Variants in RC3H1 observed in about 807,000 individuals in gnomAD.
The protein encoded by RC3H1 is ring finger and CCCH-type domains 1.
A neutral mutation model predicts 138.2 loss-of-function variants in RC3H1; 50 were observed. The ratio of observed to expected loss-of-function variants is 0.36; its 90% CI spans 0.29 to 0.46. The LOEUF (loss-of-function observed/expected upper bound fraction) is 0.46, where lower values mean the gene tolerates loss of function less well. RC3H1 is among the 20% of genes least tolerant of loss of function. The pLI is 1.00. For synonymous variants in RC3H1, 462 were observed against 489.1 expected (o/e 0.94, Z 0.73); for missense variants, 1,031 against 1,388.1 (o/e 0.74, Z 4.09).
intron 1 of RC3H1, among the ~76,000 whole-genome samples, chr1:174,008,446 AG>A (rs1246968108): frequency 6.6e-6 from 1 of 152,102 alleles, no homozygotes; most frequent in Non-Finnish European, 1.5e-5. Context: ...GAAGCAGAAG[AG>A]GGGAAGGGAG....
intron 6 of RC3H1, 83 bp from the exon 7 acceptor site, chr1:173,978,703 CG>C: frequency 7.2e-7 from 1 of 1,393,328 alleles, no homozygotes; most frequent in Non-Finnish European, 9.6e-7. Context: ...ATCATTTTTG[CG>C]ATTTATTAAA....
At chr1:173,963,503 A>T (rs1456503740) in intron 11 of RC3H1, among the ~76,000 whole-genome samples, 1 of 152,180 alleles carries the variant, frequency 6.6e-6, no homozygotes, top group East Asian at 1.9e-4. Context: ...TCTATTCTGT[A>T]AACTCTCTAA....
intron 17 of RC3H1, among the ~76,000 whole-genome samples, chr1:173,945,448 T>C (rs1329569455): frequency 1.3e-5 from 2 of 152,134 alleles, no homozygotes; most frequent in Non-Finnish European, 2.9e-5. Flanking sequence ...TTCTTTAGTT[T>C]TGTTTTTCTA....
chr1:173,965,276 A>G (rs1424106954), intron 9 of RC3H1, among the ~76,000 whole-genome samples, 156 bp from the exon 10 acceptor site: 1 of 152,212 alleles, frequency 6.6e-6, no homozygotes, highest in Non-Finnish European at 1.5e-5. Flanking sequence ...AGCAAGACAT[A>G]TTAAGTATAA....
At chr1:174,009,115 G>C (rs1164525258) in intron 1 of RC3H1, among the ~76,000 whole-genome samples, 2 of 152,096 alleles carry the variant, frequency 1.3e-5, no homozygotes, top group East Asian at 3.8e-4. Flanking sequence ...TGATCTTTCA[G>C]GGATTAAATT....
At chr1:173,953,240 C>G (rs1015766967) in intron 13 of RC3H1, among the ~76,000 whole-genome samples, 1 of 152,040 alleles carries the variant, frequency 6.6e-6, no homozygotes, top group Admixed American at 6.6e-5. Flanking sequence ...TTAGATAGAA[C>G]AGCCAACTTT....
In RC3H1 at chr1:174,012,028, C is replaced by A. The variant is rs188847208; in HGVS notation, c.-151+10068G>T. Among the ~76,000 whole-genome samples, 569 of 151,980 alleles carry A rather than the reference C, an allele frequency of 3.7e-3. 5 individuals are homozygous for A. The highest frequency in any genetic ancestry group is 0.013 in the African/African-American group (554 of 41,464). The stretch of plus-strand genomic sequence containing the variant: ...AAGTTCGAGACCAGCCTGGGCAACA[C>A]GGCAAGACGCCGTCTCTACAAAAAA... On this transcript the variant is annotated intron_variant, in intron 1 of 19. Coordinates refer to ENST00000367696, the MANE Select transcript of RC3H1 (RefSeq NM_172071.4).
At chr1:173,991,245 A>C (rs1234789258) in intron 2 of RC3H1, among the ~76,000 whole-genome samples, 3 of 152,144 alleles carry the variant, frequency 2.0e-5, no homozygotes, top group Non-Finnish European at 4.4e-5. Context: ...GAAATTATGA[A>C]ACACTGTAAA....
At chr1:173,985,554 T>C (rs1159084998) in intron 2 of RC3H1, among the ~76,000 whole-genome samples, 1 of 152,196 alleles carries the variant, frequency 6.6e-6, no homozygotes, top group Non-Finnish European at 1.5e-5. Flanking sequence ...TAATTGCATA[T>C]ACTTATGGGG....
rs753874089 is a variant in RC3H1 at position 173,978,513 on chromosome 1, C to T, written c.1077G>A (p.Leu359=). 8.1e-6 allele frequency: 13 copies of T among 1,614,020 alleles called. No individual in the cohort carries two copies. The highest frequency in any genetic ancestry group is 6.8e-6 in the Non-Finnish European group (8 of 1,179,958). Reference sequence around the variant, plus strand: ...CTGGACTAGGGTCAATGTTTGCTAACAGCTCCAAATGGGGTCTTAGTCGGT... The same window carrying T: ...CTGGACTAGGGTCAATGTTTGCTAATAGCTCCAAATGGGGTCTTAGTCGGT... ...NLNRLRPHLE[L]LANIDPSPDA... Residue 359 remains leucine (L), a synonymous_variant, in exon 7 of 20, where the codon CTG becomes CTA. Coordinates refer to ENST00000367696, the MANE Select transcript of RC3H1 (RefSeq NM_172071.4).
intron 1 of RC3H1, among the ~76,000 whole-genome samples, chr1:173,999,905 A>G (rs1355981009): frequency 6.6e-6 from 1 of 152,242 alleles, no homozygotes; most frequent in Non-Finnish European, 1.5e-5. Flanking sequence ...AGAAAGTGGC[A>G]CGACTAAGAC....
In RC3H1 at chr1:173,992,913, T is replaced by C. The variant is rs1381006220; in HGVS notation, c.73A>G (p.Ile25Val). ...CAACCCAAACTGATGGGCTTTCGAATTGTTTCGTCGAAAGTCTGAGTGCAA... is the reference window on the plus strand; with the variant it reads ...CAACCCAAACTGATGGGCTTTCGAACTGTTTCGTCGAAAGTCTGAGTGCAA... Reference protein sequence around the residue: ...PICTQTFDETIRKPISLGCGH... With the variant: ...PICTQTFDETVRKPISLGCGH... The change falls in exon 2 of 20, where the codon ATT (isoleucine) becomes GTT (valine). Residue 25 changes from isoleucine to valine, a missense_variant. Ile to Val is a conservative substitution (Grantham distance 29). Transcript: ENST00000367696. 3.7e-6 allele frequency: 6 copies of C among 1,613,974 alleles called. No individual in the cohort carries two copies. The highest frequency in any genetic ancestry group is 2.2e-5 in the East Asian group (1 of 44,882).
chr1:173,998,438 C>T (rs1557950721), intron 1 of RC3H1, among the ~76,000 whole-genome samples: 1 of 152,150 alleles, frequency 6.6e-6, no homozygotes, highest in Non-Finnish European at 1.5e-5. Context: ...ATTGCTAATA[C>T]AGAATATACA....
rs535613223 is a variant in RC3H1 at position 174,011,891 on chromosome 1, T to C, written c.-151+10205A>G. On this transcript the variant is annotated intron_variant, in intron 1 of 19. Transcript: ENST00000367696. ...TTCACCTTTAACAACCAATTCGTAT[T>C]AGCATTGAAAATTAGTTTTTGTCAT... 1.8e-4 allele frequency among the ~76,000 whole-genome samples: 27 copies of C among 152,240 alleles called. 1 individual carries two copies. Among genetic ancestry groups the C allele is most frequent in the African/African-American group, 6.3e-4 (26 of 41,542 alleles).
chr1:173,993,135 C>A lies in RC3H1; in HGVS notation c.-150G>T. On this transcript the variant is annotated splice_region_variant and 5_prime_UTR_variant, in exon 2 of 20. Transcript: ENST00000367696. ...AGTCAGCACATAGTGTGAAATATAA[C>A]CTGAAAATAAAGAAAAAGGAAAAAA... The A allele has an allele frequency of 1.7e-6, 1 of 604,490 alleles. No individual in the cohort carries two copies. The highest frequency in any genetic ancestry group is 2.9e-6 in the Non-Finnish European group (1 of 345,920). The allele number at this position is 604,490 out of a possible 1,614,324, so 37.4% of individuals were successfully genotyped here.
chr1:173,963,398 A>C (rs1472147894), intron 11 of RC3H1, among the ~76,000 whole-genome samples: 1 of 152,122 alleles, frequency 6.6e-6, no homozygotes, highest in African/African-American at 2.4e-5. Flanking sequence ...AATATTAACC[A>C]CAACAGATCA....
At chr1:174,017,116 T>G (rs1661874601) in intron 1 of RC3H1, among the ~76,000 whole-genome samples, 1 of 152,228 alleles carries the variant, frequency 6.6e-6, no homozygotes, top group Non-Finnish European at 1.5e-5. Context: ...AGCTTCAAAT[T>G]CTAAAAATCG....
At chr1:173,955,789 T>C (rs1201947902) in intron 13 of RC3H1, among the ~76,000 whole-genome samples, 7 of 152,150 alleles carry the variant, frequency 4.6e-5, no homozygotes, top group Non-Finnish European at 1.0e-4. Context: ...TGTTACATAA[T>C]ACAAAAATTT....
intron 1 of RC3H1, among the ~76,000 whole-genome samples, chr1:173,996,915 G>GTT (rs145400110): frequency 1.5e-4 from 22 of 147,090 alleles, no homozygotes; most frequent in African/African-American, 5.2e-4. Flanking sequence ...AAGGAATTCT[G>GTT]TTTTTTTTTT....
Sources: allele counts gnomAD v4.1 joint callset (sites outside exome capture counted in the v4.1 genomes callset), GRCh38; gene constraint gnomAD v4.1.1; transcripts MANE v1.5; gene names NCBI Gene and HGNC (gene_info 2026-07-23, HGNC 2026-07-21).